The following RASA2 variants were observed in gnomAD, a reference collection of about 807,000 sequenced individuals.
RASA2 encodes the protein ras GTPase-activating protein 2.
In RASA2, 155 loss-of-function variants were observed where a neutral mutation model predicts 118.2. That is an observed-to-expected ratio of 1.31 (90% CI 1.15 to 1.50). The LOEUF (loss-of-function observed/expected upper bound fraction) is 1.50. Among genes scored for constraint, RASA2 ranks in the 40% most tolerant of loss-of-function variants. The pLI is 0.00. For missense variants in RASA2, 1,016 were observed against 1,009.6 expected, an observed-to-expected ratio of 1.01 and a Z score of -0.09; for synonymous variants, 353 against 349.1, an observed-to-expected ratio of 1.01 and a Z score of -0.12.
chr3:141,604,136 T>C (rs1055594291), intron 19 of RASA2, among the ~76,000 whole-genome samples: 6 of 152,148 alleles, frequency 3.9e-5, no homozygotes, highest in African/African-American at 1.4e-4. Context: ...TATTTCTGTT[T>C]AATTAGGAGG....
chr3:141,550,101 A>G (rs967662716), intron 5 of RASA2, among the ~76,000 whole-genome samples: 2 of 152,216 alleles, frequency 1.3e-5, no homozygotes, highest in African/African-American at 2.4e-5. Context: ...GAAAATCAAC[A>G]TTGGCAAACA....
intron 5 of RASA2, among the ~76,000 whole-genome samples, chr3:141,546,675 A>G (rs1333792428): frequency 6.6e-6 from 1 of 152,164 alleles, no homozygotes; most frequent in Non-Finnish European, 1.5e-5. Context: ...TTTGTTGTGT[A>G]GAAGCTTTTT....
Position 141,559,899 on chromosome 3 carries a change from AC to A in RASA2, c.768del (p.Leu257CysfsTer7). ...EDIEKLEIRI[D>X]LWNNGNLVQD... ...AGCCAGTTTTCAATTTTCAGGATCG[AC>A]TTGTGGAACAATGGAAACCTAGTCC... is the stretch of plus-strand genomic sequence containing the variant. On this transcript the variant is annotated frameshift_variant, in exon 9 of 24. Coordinates refer to ENST00000286364, the MANE Select transcript of RASA2 (RefSeq NM_006506.5). LOFTEE classifies it high-confidence loss of function. 6.2e-7 allele frequency: 1 copy of A among 1,612,922 alleles called. No individual in the cohort carries two copies. Among genetic ancestry groups the A allele is most frequent in the Non-Finnish European group, 8.5e-7 (1 of 1,179,160 alleles).
At chr3:141,559,047 T>G in intron 8 of RASA2, 85 bp downstream of exon 8, 1 of 1,139,062 alleles carries the variant, frequency 8.8e-7, no homozygotes, top group Non-Finnish European at 1.3e-6. Flanking sequence ...AAACCAACTT[T>G]AATAGAATTC....
At chr3:141,544,351 A>G (rs952894450) in intron 5 of RASA2, among the ~76,000 whole-genome samples, 6 of 152,166 alleles carry the variant, frequency 3.9e-5, no homozygotes, top group Non-Finnish European at 7.3e-5. Context: ...CACCTCTGCT[A>G]TCTTTCTCTT....
At chr3:141,502,477 A>G (rs1017228889) in intron 1 of RASA2, among the ~76,000 whole-genome samples, 4 of 151,720 alleles carry the variant, frequency 2.6e-5, no homozygotes, top group African/African-American at 7.3e-5. Flanking sequence ...TTCCCCCTTC[A>G]TCTCTCTTTA....
In RASA2 at chr3:141,612,998, A is replaced by C. The variant is rs1237365973; in HGVS notation, c.*685A>C. 6.6e-6 allele frequency: 1 copy of C among 152,244 alleles called. No individual in the cohort carries two copies. The highest frequency in any genetic ancestry group is 2.4e-5 in the African/African-American group (1 of 41,468). 9.4% of individuals were successfully genotyped at this position (152,244 alleles called of 1,614,324 possible). The stretch of plus-strand genomic sequence containing the variant: ...TACATTTGGGATCAGTGATGGCAAA[A>C]GAAGTAATGAGACCACTGAAATTGT... On this transcript the variant is annotated 3_prime_UTR_variant, in exon 24 of 24. Transcript: ENST00000286364.
Position 141,612,632 on chromosome 3 carries a change from C to T in RASA2, c.*319C>T, listed in dbSNP as rs573294761. On this transcript the variant is annotated 3_prime_UTR_variant, in exon 24 of 24. Transcript: ENST00000286364. ...GGAGAACTCCTCCGTAGCAAGAAAC[C>T]ATCTCTTCTTGTAACACTCTGTTCT... 2.9e-4 allele frequency: 72 copies of T among 252,560 alleles called. 1 individual carries two copies. Among genetic ancestry groups the T allele is most frequent in the African/African-American group, 1.6e-3 (68 of 43,312 alleles). The allele number at this position is 252,560 out of a possible 1,614,324, so 15.6% of individuals were successfully genotyped here. A position where few individuals can be genotyped will look rare whatever the true frequency, so the allele number is the denominator to read the frequency against.
intron 3 of RASA2, among the ~76,000 whole-genome samples, chr3:141,516,964 G>A (rs970480430): frequency 1.3e-5 from 2 of 151,964 alleles, no homozygotes; most frequent in Non-Finnish European, 2.9e-5. Flanking sequence ...AGTAGAAACA[G>A]GGTTTCACCA....
intron 4 of RASA2, among the ~76,000 whole-genome samples, chr3:141,538,762 G>A (rs1037197074): frequency 6.6e-6 from 1 of 152,068 alleles, no homozygotes; most frequent in African/African-American, 2.4e-5. Flanking sequence ...AATACCTAAG[G>A]AATGTTTTAT....
chr3:141,580,483 C>A, intron 16 of RASA2, 32 bp downstream of exon 16: 1 of 1,513,666 alleles, frequency 6.6e-7, no homozygotes, highest in Middle Eastern at 2.0e-4. Flanking sequence ...TTTGTTTTTA[C>A]ACTTCTAAAT....
chr3:141,559,572 G>C (rs1369225661), intron 8 of RASA2, among the ~76,000 whole-genome samples: 5 of 152,064 alleles, frequency 3.3e-5, no homozygotes, highest in African/African-American at 1.2e-4. Context: ...GTAATCTAGA[G>C]AGAAACTGTA....
chr3:141,511,703 C>T (rs1247301903), intron 1 of RASA2, among the ~76,000 whole-genome samples: 5 of 151,980 alleles, frequency 3.3e-5, no homozygotes, highest in African/African-American at 7.3e-5. Flanking sequence ...GAAGAGACAA[C>T]GACTAGAGAT....
chr3:141,609,318 A>G (rs960969419), intron 21 of RASA2, 102 bp from the exon 22 acceptor site: 4 of 636,980 alleles, frequency 6.3e-6, no homozygotes. Flanking sequence ...TCCTTCTGCA[A>G]AAGTCTGTGG....
intron 5 of RASA2, among the ~76,000 whole-genome samples, chr3:141,548,492 C>T (rs2082521432): frequency 6.6e-6 from 1 of 152,020 alleles, no homozygotes; most frequent in South Asian, 2.1e-4. Flanking sequence ...AGCTTTTGCT[C>T]TCCATACTCA....
At chr3:141,561,544 A>C (rs1209240958) in intron 9 of RASA2, among the ~76,000 whole-genome samples, 2 of 152,260 alleles carry the variant, frequency 1.3e-5, no homozygotes, top group Non-Finnish European at 2.9e-5. Context: ...CCACAGTTGT[A>C]AGGAAACATA....
chr3:141,511,865 C>G (rs964373891), intron 1 of RASA2, among the ~76,000 whole-genome samples: 3 of 151,840 alleles, frequency 2.0e-5, no homozygotes, highest in Non-Finnish European at 4.4e-5. Flanking sequence ...GAGTAAAGTC[C>G]TTGAGGTAGC....
rs578251669 is a variant in RASA2, at chr3:141,598,422, A to G, written c.1934-9256A>G. Among the ~76,000 whole-genome samples the G allele has an allele frequency of 1.8e-3, 279 of 152,240 alleles. 1 individual carries two copies. The highest frequency in any genetic ancestry group is 6.5e-3 in the African/African-American group (269 of 41,566). On this transcript the variant is annotated intron_variant, in intron 19 of 23. Coordinates refer to ENST00000286364, the MANE Select transcript of RASA2 (RefSeq NM_006506.5). Reference sequence around the variant, plus strand: ...ACACCTCTTTGTGATTAAAGAAAATAAAAACTCTTGAATGAAGTCTAAAAG... The same window carrying G: ...ACACCTCTTTGTGATTAAAGAAAATGAAAACTCTTGAATGAAGTCTAAAAG...
rs767052471 is a variant in RASA2 at position 141,487,186 on chromosome 3, C to T, written c.103C>T (p.Arg35Ter). The T allele has an allele frequency of 2.7e-6, 4 of 1,462,064 alleles. No homozygotes were observed. The highest frequency in any genetic ancestry group is 3.6e-6 in the Non-Finnish European group (4 of 1,097,254). 90.6% of individuals were successfully genotyped at this position (1,462,064 alleles called of 1,614,324 possible). ...CGGGGACCAGGACAGTCGCGAGGTT[C>T]GAGTGTTGCAGAGCCTGCGGGGCAA... ...EAGDQDSREV[R>*]VLQSLRGKIC... Residue 35 changes from arginine to a stop codon, truncating the protein, a stop_gained, in exon 1 of 24, where the codon CGA becomes TGA. Transcript: ENST00000286364. LOFTEE classifies it high-confidence loss of function.
Sources: allele counts gnomAD v4.1 joint callset (sites outside exome capture counted in the v4.1 genomes callset), GRCh38; gene constraint gnomAD v4.1.1; transcripts MANE v1.5; gene names NCBI Gene and HGNC (gene_info 2026-07-23, HGNC 2026-07-21).